GARIN1B: variants seen among roughly 807,000 people sequenced by gnomAD.
GARIN1B encodes golgi associated RAB2 interactor 1B.
the GARIN1B span, among the ~76,000 whole-genome samples, chr7:128,730,604 G>C: frequency 1.3e-5 from 2 of 152,080 alleles, no homozygotes; most frequent in South Asian, 2.1e-4. Context: ...CTAAAAGGGA[G>C]GGGTGATTTC....
At chr7:128,712,827 C>T in the GARIN1B span, among the ~76,000 whole-genome samples, 1 of 152,236 alleles carries the variant, frequency 6.6e-6, no homozygotes, top group Non-Finnish European at 1.5e-5. Context: ...GTAATTTCTA[C>T]AGTCCTAATT....
chr7:128,726,743 C>A, the GARIN1B span: 1 of 1,498,444 alleles, frequency 6.7e-7, no homozygotes, highest in Non-Finnish European at 9.2e-7. Flanking sequence ...GCATCAGGAA[C>A]TTTGGAACAA....
At chr7:128,719,725 A>G in the GARIN1B span, among the ~76,000 whole-genome samples, 10,130 of 97,882 alleles carry the variant, frequency 0.1, 722 homozygotes, top group Admixed American at 0.31. Flanking sequence ...TTTGAGATGG[A>G]GTCTTACTCT....
chr7:128,715,388 G>A, the GARIN1B span: 43 of 1,589,554 alleles, frequency 2.7e-5, no homozygotes, highest in Admixed American at 5.1e-5. Flanking sequence ...AGGCCAGGAG[G>A]GGAGACAGAG....
chr7:128,713,046 C>A, the GARIN1B span, among the ~76,000 whole-genome samples: 1 of 152,150 alleles, frequency 6.6e-6, no homozygotes, highest in Admixed American at 6.5e-5. Context: ...TGGCTCAGGC[C>A]TGTAATCCAG....
chr7:128,725,380 T>G, the GARIN1B span, among the ~76,000 whole-genome samples: 415 of 144,718 alleles, frequency 2.9e-3, no homozygotes, highest in Non-Finnish European at 4.7e-3. Flanking sequence ...CTTCCTTCCT[T>G]TTTCTTTCTT....
the GARIN1B span, among the ~76,000 whole-genome samples, chr7:128,721,683 AC>A: frequency 2.0e-5 from 3 of 152,228 alleles, no homozygotes; most frequent in Admixed American, 6.5e-5. Flanking sequence ...TAGGAAAAAA[AC>A]ATTCAGTTTT....
chr7:128,722,528 A>G, the GARIN1B span, among the ~76,000 whole-genome samples: 17 of 152,288 alleles, frequency 1.1e-4, no homozygotes, highest in African/African-American at 3.8e-4. Context: ...CAATTAGGCC[A>G]GGCGCGGTGG....
the GARIN1B span, chr7:128,724,858 G>A: frequency 7.8e-7 from 1 of 1,289,290 alleles, no homozygotes; most frequent in Non-Finnish European, 1.0e-6. Context: ...CAGCTTGGAG[G>A]AGGCAAGCGC....
At chr7:128,731,301 G>C in the GARIN1B span, 10 of 656,022 alleles carry the variant, frequency 1.5e-5, no homozygotes, top group Admixed American at 1.6e-4. Flanking sequence ...CTGCACCTCG[G>C]CATATGCCAC....
At chr7:128,730,523 C>T in the GARIN1B span, among the ~76,000 whole-genome samples, 1 of 152,142 alleles carries the variant, frequency 6.6e-6, no homozygotes, top group East Asian at 1.9e-4. Context: ...ATTCGTCCAT[C>T]CACACATTCA....
At chr7:128,710,947 T>A in the GARIN1B span, among the ~76,000 whole-genome samples, 1 of 152,134 alleles carries the variant, frequency 6.6e-6, no homozygotes, top group Non-Finnish European at 1.5e-5. Context: ...CGTGAGCCAC[T>A]GCGCCTGGCC....
the GARIN1B span, among the ~76,000 whole-genome samples, chr7:128,715,969 C>T: frequency 6.6e-6 from 1 of 152,204 alleles, no homozygotes; most frequent in African/African-American, 2.4e-5. Flanking sequence ...CTTCAGCCCC[C>T]AGGCTGTCAC....
chr7:128,716,137 C>T, the GARIN1B span, among the ~76,000 whole-genome samples: 3 of 152,180 alleles, frequency 2.0e-5, no homozygotes, highest in Non-Finnish European at 4.4e-5. Flanking sequence ...GTAACCTGTG[C>T]AGCCTGAATC....
the GARIN1B span, chr7:128,726,975 A>G: frequency 2.0e-6 from 2 of 996,102 alleles, no homozygotes; most frequent in Non-Finnish European, 3.1e-6. Context: ...TGCTGTCAGT[A>G]TTGCCATTGT....
At chr7:128,729,369 A>G in the GARIN1B span, among the ~76,000 whole-genome samples, 1,142 of 152,306 alleles carry the variant, frequency 7.5e-3, 13 homozygotes, top group African/African-American at 0.026. Flanking sequence ...ACAGTCCCCC[A>G]TAGATCTTGT....
chr7:128,723,134 A>G, the GARIN1B span: 22 of 1,477,184 alleles, frequency 1.5e-5, no homozygotes, highest in Non-Finnish European at 2.0e-5. Flanking sequence ...GGACCATGAT[A>G]TTAGGAAAAT....
At chr7:128,723,081 G>T in the GARIN1B span, 1 of 1,265,748 alleles carries the variant, frequency 7.9e-7, no homozygotes, top group Non-Finnish European at 1.1e-6. Flanking sequence ...CAGCTGGTGT[G>T]GCTGCACTTT....
the GARIN1B span, chr7:128,717,029 A>T: frequency 6.5e-7 from 1 of 1,548,612 alleles, no homozygotes; most frequent in Non-Finnish European, 8.8e-7. Flanking sequence ...GGAGGACAAG[A>T]GGGGTGAGGG....
Sources: gnomAD v4.1 joint callset for allele counts (sites outside exome capture counted in the v4.1 genomes callset) on GRCh38, gnomAD v4.1.1 for gene constraint, MANE v1.5 for transcripts, NCBI Gene and HGNC (gene_info 2026-07-23, HGNC 2026-07-21) for gene names.